ABLIM2: variants seen among roughly 807,000 people sequenced by gnomAD.
ABLIM2 encodes the protein actin binding LIM protein family member 2.
In ABLIM2, 53 loss-of-function variants were observed where a neutral mutation model predicts 97.7. The ratio of observed to expected loss-of-function variants is 0.54; its 90% CI spans 0.44 to 0.68. The LOEUF is 0.68. Ranked by LOEUF, ABLIM2 falls within the 30% of genes least tolerant of loss-of-function variation. The pLI, the probability that ABLIM2 is intolerant of heterozygous loss-of-function variation, is 0.00. For missense variants in ABLIM2, 835 were observed against 867.2 expected (o/e 0.96, Z 0.47); for synonymous variants, 361 against 345.8 (o/e 1.04, Z -0.49).
rs142500967 is a variant in ABLIM2, at chr4:8,144,503, T to G, written c.10+14177A>C. Among the ~76,000 whole-genome samples, 131 of 151,164 alleles carry G rather than the reference T, an allele frequency of 8.7e-4. 1 individual carries two copies. In the South Asian group the frequency reaches 0.016, roughly 19 times the overall value. On this transcript the variant is annotated intron_variant, in intron 1 of 20. Transcript: ENST00000447017. Reference sequence around the variant, plus strand: ...CCGCGCTGAGCTGCGAGAAGGCTTGTGAAAGCCTCGCAGGAAGCTGACCCA... The same window carrying G: ...CCGCGCTGAGCTGCGAGAAGGCTTGGGAAAGCCTCGCAGGAAGCTGACCCA...
chr4:7,993,657 A>T lies in ABLIM2; in HGVS notation c.1619-730T>A, dbSNP rs1260622691. Among the ~76,000 whole-genome samples the T allele has an allele frequency of 3.3e-5, 5 of 152,276 alleles. No individual in the cohort carries two copies. In the East Asian group the frequency reaches 9.7e-4, roughly 29 times the overall value. ...ACACCACTGCACTGCAGCCTGGGAG[A>T]CAGAGTGAGATCCTGTCTCTAAAAA... On this transcript the variant is annotated intron_variant, in intron 16 of 20. Transcript: ENST00000447017.
In ABLIM2 at chr4:8,021,128, T is replaced by A. The variant is rs2033642639; in HGVS notation, c.1268-825A>T. Among the ~76,000 whole-genome samples the A allele has an allele frequency of 6.6e-6, 1 of 152,132 alleles. No individual in the cohort carries two copies. Among genetic ancestry groups the A allele is most frequent in the Admixed American group, 6.5e-5 (1 of 15,272 alleles). ...ACCTCTACCTCCCAAGGTGCTGGGATTACAGGCATGAGCCACCGCACCCTG... is the reference window on the plus strand; with the variant it reads ...ACCTCTACCTCCCAAGGTGCTGGGAATACAGGCATGAGCCACCGCACCCTG... On this transcript the variant is annotated intron_variant, in intron 12 of 20. Transcript: ENST00000447017. The surrounding 1 kb of genome is among the most constrained non-coding windows in gnomAD (Gnocchi z 5.5).
At chr4:8,109,736 T>C (rs1474937603) in intron 1 of ABLIM2, among the ~76,000 whole-genome samples, 1 of 152,146 alleles carries the variant, frequency 6.6e-6, no homozygotes, top group South Asian at 2.1e-4. Flanking sequence ...GGGGTTGGCC[T>C]GGGAAGCAGG....
In ABLIM2 at chr4:8,080,802, C is replaced by T; in HGVS notation, c.455G>A (p.Ser152Asn). The T allele has an allele frequency of 6.2e-7, 1 of 1,605,102 alleles. No individual in the cohort carries two copies. Among genetic ancestry groups the T allele is most frequent in the Non-Finnish European group, 8.5e-7 (1 of 1,174,494 alleles). The change falls in exon 5 of 21, where the codon AGT becomes AAT. Residue 152 changes from serine (S) to asparagine (N), a missense_variant and splice_region_variant. Transcript: ENST00000447017. ...GATTTCTGTGCCGCAGCCCCCACAACCTGGAAGAAAGAGAAGAGAACACAG... is the reference window on the plus strand; with the variant it reads ...GATTTCTGTGCCGCAGCCCCCACAATCTGGAAGAAAGAGAAGAGAACACAG... ...SSAHLSQGLR[S>N]CGGCGTEIKN...
chr4:8,030,237 C>A (rs1274507385), intron 10 of ABLIM2, among the ~76,000 whole-genome samples: 4 of 152,154 alleles, frequency 2.6e-5, no homozygotes, highest in Admixed American at 1.3e-4. Context: ...TTACTCCACC[C>A]CAGGCCGGGA....
At position 8,155,101 on chromosome 4, in the gene ABLIM2, G is replaced by A. The variant is rs916076615; in HGVS notation, c.10+3579C>T. Among the ~76,000 whole-genome samples, 1 of 152,242 alleles carries A rather than the reference G, an allele frequency of 6.6e-6. No homozygotes were observed. The highest frequency in any genetic ancestry group is 1.9e-4 in the East Asian group (1 of 5,200). ...GGATTATTACAACTCAAGGTAAGAT[G>A]TGGGTGGGGACACAGCCAGACCGTA... On this transcript the variant is annotated intron_variant, in intron 1 of 20. Coordinates refer to ENST00000447017, the MANE Select transcript of ABLIM2 (RefSeq NM_001130083.2). The surrounding 1 kb of genome is among the most constrained non-coding windows in gnomAD (Gnocchi z 4.2).
intron 4 of ABLIM2, among the ~76,000 whole-genome samples, chr4:8,086,647 T>G (rs1359703381): frequency 5.3e-5 from 8 of 152,084 alleles, no homozygotes; most frequent in African/African-American, 1.9e-4. Flanking sequence ...ACCCAGCCCA[T>G]GTTTCCCTTT....
Position 8,080,709 on chromosome 4 carries a change from C to G in ABLIM2, c.548G>C (p.Cys183Ser). The G allele has an allele frequency of 1.2e-6, 2 of 1,611,824 alleles. No homozygotes were observed. The highest frequency in any genetic ancestry group is 1.7e-6 in the Non-Finnish European group (2 of 1,178,316). The change falls in exon 5 of 21, where the codon TGT becomes TCT. Residue 183 changes from cysteine to serine, a missense_variant. Cys to Ser is a moderately radical substitution (Grantham distance 112). Coordinates refer to ENST00000447017, the MANE Select transcript of ABLIM2 (RefSeq NM_001130083.2). ...GTACTCGGCATTCAGGAGCTTCCCA[C>G]AGCTCTTGCACTTAAAACAGCCCAA... Reference protein sequence around the residue: ...WHLGCFKCKSCGKLLNAEYIS... With the variant: ...WHLGCFKCKSSGKLLNAEYIS...
chr4:8,026,103 C>T (rs1446123481), intron 12 of ABLIM2, among the ~76,000 whole-genome samples: 6 of 152,190 alleles, frequency 3.9e-5, no homozygotes, highest in Non-Finnish European at 7.3e-5. Context: ...AAACTGCTGG[C>T]CGAAGCAATC....
intron 9 of ABLIM2, among the ~76,000 whole-genome samples, chr4:8,040,610 CAAAAAA>C (rs58125904): frequency 7.6e-6 from 1 of 132,406 alleles, no homozygotes; most frequent in Non-Finnish European, 1.6e-5. Context: ...GACTCCATTT[CAAAAAA>C]AAAAAAAAGA....
chr4:8,011,056 C>T (rs569003804), intron 14 of ABLIM2, among the ~76,000 whole-genome samples: 4 of 152,346 alleles, frequency 2.6e-5, no homozygotes, highest in South Asian at 2.1e-4. Context: ...ATAATCTGCA[C>T]GTGCATGGAC....
rs1482851542 is a variant in ABLIM2, at chr4:8,019,071, GGTTCAC to G, written c.1423+541_1423+546del. On this transcript the variant is annotated intron_variant, in intron 14 of 20. Transcript: ENST00000447017. The surrounding 1 kb of genome is among the most constrained non-coding windows in gnomAD (Gnocchi z 4.3). ...CTGCTCCCTGCGCACCTCCCAGGCA[GGTTCAC>G]GTGGAGCAGAGCTGGGCGTCAGCTC... Among the ~76,000 whole-genome samples, 2 of 152,326 alleles carry G rather than the reference GGTTCAC, an allele frequency of 1.3e-5. No homozygotes were observed. The highest frequency in any genetic ancestry group is 6.5e-5 in the Admixed American group (1 of 15,300).
intron 2 of ABLIM2, among the ~76,000 whole-genome samples, chr4:8,098,835 G>A (rs764153320): frequency 5.3e-5 from 8 of 152,162 alleles, no homozygotes; most frequent in African/African-American, 9.7e-5. Flanking sequence ...GCTCAGTGTC[G>A]AGGCCCTGGC....
At chr4:7,971,393 G>C (rs1488273211) in intron 20 of ABLIM2, among the ~76,000 whole-genome samples, 1 of 152,154 alleles carries the variant, frequency 6.6e-6, no homozygotes, top group African/African-American at 2.4e-5. Context: ...CCTGGGGTGG[G>C]GGTCTTTGCA....
Position 8,054,766 on chromosome 4 carries a change from C to T in ABLIM2, c.764-520G>A, listed in dbSNP as rs996525946. ...GAGAGGTAGGAAGAGAGAACCTCAGCTGGGAAGTGGGCCTGCTCCTTAGGG... is the reference window on the plus strand; with the variant it reads ...GAGAGGTAGGAAGAGAGAACCTCAGTTGGGAAGTGGGCCTGCTCCTTAGGG... On this transcript the variant is annotated intron_variant, in intron 7 of 20. Coordinates refer to ENST00000447017, the MANE Select transcript of ABLIM2 (RefSeq NM_001130083.2). The surrounding 1 kb of genome is among the most constrained non-coding windows in gnomAD (Gnocchi z 4.9). 3.9e-5 allele frequency among the ~76,000 whole-genome samples: 6 copies of T among 152,104 alleles called. No homozygotes were observed. The highest frequency in any genetic ancestry group is 1.4e-4 in the African/African-American group (6 of 41,418).
chr4:7,977,066 G>C (rs1020594434), intron 20 of ABLIM2, among the ~76,000 whole-genome samples: 2 of 152,156 alleles, frequency 1.3e-5, no homozygotes, highest in Admixed American at 1.3e-4. Context: ...GAGGGACCTG[G>C]TGGGAGGTGA....
At position 8,062,705 on chromosome 4, in the gene ABLIM2, T is replaced by C. The variant is rs979744507; in HGVS notation, c.676-1651A>G. 3.9e-5 allele frequency among the ~76,000 whole-genome samples: 6 copies of C among 152,090 alleles called. No homozygotes were observed. The East Asian group carries it at 7.8e-4, about 20-fold the overall frequency. On this transcript the variant is annotated intron_variant, in intron 6 of 20. Transcript: ENST00000447017. ...CCGCCCGCCTCAGCCTCCCAAAGTG[T>C]TGGGATTACAGGCATGAGCCACCAC...
intron 4 of ABLIM2, 100 bp from the exon 5 acceptor site, chr4:8,080,902 G>A (rs1287453354): frequency 3.4e-5 from 49 of 1,437,196 alleles, no homozygotes; most frequent in Non-Finnish European, 4.5e-5. Context: ...TGGGGCAGCC[G>A]GGAGGGGCGG....
chr4:8,030,942 A>T (rs1376737622), intron 10 of ABLIM2, among the ~76,000 whole-genome samples: 1 of 152,148 alleles, frequency 6.6e-6, no homozygotes, highest in African/African-American at 2.4e-5. Flanking sequence ...ACCAAGGCCC[A>T]CACTTGCCCT....
Sources: gnomAD v4.1 joint callset for allele counts (sites outside exome capture counted in the v4.1 genomes callset) on GRCh38, gnomAD v4.1.1 for gene constraint, Gnocchi (gnomAD v3.1) non-coding constraint, MANE v1.5 for transcripts, NCBI Gene and HGNC (gene_info 2026-07-23, HGNC 2026-07-21) for gene names.